ANO5: variants seen among roughly 807,000 people sequenced by gnomAD.
The protein encoded by ANO5 is anoctamin-5.
Under a neutral mutation model 121.0 loss-of-function variants are expected in ANO5, and 109 were observed. The observed-to-expected ratio is 0.90, with a 90% CI of 0.77 to 1.06. The LOEUF (loss-of-function observed/expected upper bound fraction) is 1.06, where lower values mean the gene tolerates loss of function less well. Ranked by LOEUF, ANO5 falls within the 50% of genes least tolerant of loss-of-function variation. ANO5 has a pLI of 0.00. For synonymous variants in ANO5, 406 were observed against 359.9 expected, an observed-to-expected ratio of 1.13 and a Z score of -1.45; for missense variants, 1,064 against 1,078.5, an observed-to-expected ratio of 0.99 and a Z score of 0.19.
In ANO5 at chr11:22,226,686, G is replaced by T. The variant is rs529623548; in HGVS notation, c.364-616G>T. Among the ~76,000 whole-genome samples, 26 of 152,196 alleles carry T rather than the reference G, an allele frequency of 1.7e-4. No individual in the cohort carries two copies. In the South Asian group the frequency reaches 2.5e-3, roughly 15 times the overall value. On this transcript the variant is annotated intron_variant, in intron 6 of 21. Transcript: ENST00000324559. ...GGTTGTGCTGCTGCACTCCAGCCTT[G>T]CCAACAGAGTGACGCTCTGTCTTAA...
At chr11:22,274,126 G>C (rs1217193967) in intron 19 of ANO5, among the ~76,000 whole-genome samples, 1 of 151,230 alleles carries the variant, frequency 6.6e-6, no homozygotes, top group Non-Finnish European at 1.5e-5. Context: ...ACAAACACAT[G>C]ATATTCTGCT....
At chr11:22,246,393 G>A (rs1323948181) in intron 9 of ANO5, among the ~76,000 whole-genome samples, 1 of 152,028 alleles carries the variant, frequency 6.6e-6, no homozygotes, top group Non-Finnish European at 1.5e-5. Context: ...TGTAGCAGCA[G>A]GTGTTGTTTT....
intron 7 of ANO5, among the ~76,000 whole-genome samples, chr11:22,230,109 T>C (rs922754954): frequency 3.2e-4 from 48 of 152,112 alleles, no homozygotes; most frequent in African/African-American, 1.1e-3. Flanking sequence ...TGAATATATA[T>C]GATTATGTGT....
chr11:22,219,293 T>A (rs904785382), intron 4 of ANO5, among the ~76,000 whole-genome samples: 2 of 152,060 alleles, frequency 1.3e-5, no homozygotes, highest in African/African-American at 4.8e-5. Flanking sequence ...GACTGAGCAC[T>A]CCGGAAAATC....
chr11:22,221,296 A>G lies in ANO5; in HGVS notation c.294+86A>G, dbSNP rs886607760. The G allele has an allele frequency of 1.1e-5, 13 of 1,181,510 alleles. No individual in the cohort carries two copies. In the South Asian group the frequency reaches 1.6e-4, roughly 14 times the overall value. 73.2% of individuals were successfully genotyped at this position (1,181,510 alleles called of 1,614,324 possible). On this transcript the variant is annotated intron_variant, in intron 5 of 21. Transcript: ENST00000324559. Reference sequence around the variant, plus strand: ...GGATATCTGGATTGAATTATGTTGTAAAAGTGAGAGGCCCTGAAGTGTTAC... The same window carrying G: ...GGATATCTGGATTGAATTATGTTGTGAAAGTGAGAGGCCCTGAAGTGTTAC...
chr11:22,279,984 T>C lies in ANO5; in HGVS notation c.*219T>C. On this transcript the variant is annotated 3_prime_UTR_variant, in exon 22 of 22. Transcript: ENST00000324559. ...CTTCATTGACTGGGCCCTCTCCAGA[T>C]GTTGTTTTCTGAGGTGCTGTAAATG... The C allele has an allele frequency of 1.8e-6, 1 of 543,032 alleles. No individual in the cohort carries two copies. 33.6% of individuals were successfully genotyped at this position (543,032 alleles called of 1,614,324 possible).
chr11:22,258,673 G>C (rs546106957), intron 14 of ANO5, among the ~76,000 whole-genome samples: 1 of 152,124 alleles, frequency 6.6e-6, no homozygotes, highest in Non-Finnish European at 1.5e-5. Flanking sequence ...ATATTGACAT[G>C]TATTTTTCTT....
At chr11:22,237,354 G>T (rs1317308316) in intron 8 of ANO5, among the ~76,000 whole-genome samples, 2 of 151,960 alleles carry the variant, frequency 1.3e-5, no homozygotes, top group East Asian at 3.9e-4. Context: ...TTAGTCTGTT[G>T]TGCTAGTTTT....
At chr11:22,222,556 A>G (rs1290766206) in intron 5 of ANO5, among the ~76,000 whole-genome samples, 1 of 151,856 alleles carries the variant, frequency 6.6e-6, no homozygotes, top group African/African-American at 2.4e-5. Context: ...CCAGGACCAG[A>G]TAAGATGCAA....
intron 18 of ANO5, 91 bp downstream of exon 18, chr11:22,270,533 G>A: frequency 1.3e-6 from 2 of 1,563,056 alleles, no homozygotes; most frequent in Non-Finnish European, 1.8e-6. Context: ...GCACATGGTA[G>A]GTGTTCAATA....
chr11:22,245,879 G>A (rs185254704), intron 9 of ANO5, among the ~76,000 whole-genome samples: 4 of 152,028 alleles, frequency 2.6e-5, no homozygotes, highest in Admixed American at 6.6e-5. Flanking sequence ...GCATCATGTC[G>A]GCACTCAAAA....
At chr11:22,231,129 A>T (rs1853027099) in intron 7 of ANO5, among the ~76,000 whole-genome samples, 1 of 151,998 alleles carries the variant, frequency 6.6e-6, no homozygotes, top group Non-Finnish European at 1.5e-5. Context: ...GAAGAATCAG[A>T]AGATTTTGAA....
At chr11:22,195,589 C>T (rs1044183671) in intron 1 of ANO5, among the ~76,000 whole-genome samples, 1 of 151,988 alleles carries the variant, frequency 6.6e-6, no homozygotes, top group East Asian at 1.9e-4. Flanking sequence ...ACCACGACCT[C>T]CCCAGCTAAT....
Position 22,211,284 on chromosome 11 carries a change from G to T in ANO5, c.108G>T (p.Glu36Asp), listed in dbSNP as rs1417289245. The part of the protein sequence containing the change: ...QMSEQSLSSR[E>D]TSFLINEETM... Reference sequence around the variant, plus strand: ...GTTAGCAGAGCCTGAGCAGCAGAGAGACCAGCTTTCTCATCAATGAAGAAA... The same window carrying T: ...GTTAGCAGAGCCTGAGCAGCAGAGATACCAGCTTTCTCATCAATGAAGAAA... The change falls in exon 3 of 22, where the codon GAG becomes GAT. Residue 36 changes from glutamate to aspartate, a missense_variant. Coordinates refer to ENST00000324559, the MANE Select transcript of ANO5 (RefSeq NM_213599.3). 2 of 1,612,182 alleles carry T rather than the reference G, an allele frequency of 1.2e-6. No individual in the cohort carries two copies. Among genetic ancestry groups the T allele is most frequent in the Admixed American group, 3.3e-5 (2 of 59,852 alleles).
At position 22,281,511 on chromosome 11, in the gene ANO5, T is replaced by C. The variant is rs1855078742; in HGVS notation, c.*1746T>C. 9.6e-6 allele frequency: 1 copy of C among 104,274 alleles called. No homozygotes were observed. Among genetic ancestry groups the C allele is most frequent in the South Asian group, 3.2e-4 (1 of 3,162 alleles). 6.5% of individuals were successfully genotyped at this position (104,274 alleles called of 1,614,324 possible). ...GATTTCATATGTAGAGAAGATAATA[T>C]TTCTTTCTTGAAAAAACAAGTCAGG... On this transcript the variant is annotated 3_prime_UTR_variant, in exon 22 of 22. Transcript: ENST00000324559.
chr11:22,219,127 A>G (rs550694069), intron 4 of ANO5, among the ~76,000 whole-genome samples: 1 of 152,104 alleles, frequency 6.6e-6, no homozygotes. Context: ...GTCCTGAGAC[A>G]TGTCTCTCAT....
Position 22,272,798 on chromosome 11 carries a change from T to A in ANO5, c.2044T>A (p.Phe682Ile), listed in dbSNP as rs1056882055. The change falls in exon 19 of 22, where the codon TTT becomes ATT. Residue 682 changes from phenylalanine to isoleucine, a missense_variant. Phe to Ile is a conservative substitution (Grantham distance 21, BLOSUM62 0). Coordinates refer to ENST00000324559, the MANE Select transcript of ANO5 (RefSeq NM_213599.3). ...TTTCTCTACAGTTACTCAATTTGGA[T>A]TTGTTACACTATTTGTGGCCTCTTT... ...EYLETVTQFG[F>I]VTLFVASFPL... 6.2e-7 allele frequency: 1 copy of A among 1,613,970 alleles called. No homozygotes were observed. The highest frequency in any genetic ancestry group is 2.2e-5 in the East Asian group (1 of 44,858).
intron 4 of ANO5, among the ~76,000 whole-genome samples, chr11:22,220,621 T>C (rs544348901): frequency 6.6e-6 from 1 of 152,114 alleles, no homozygotes; most frequent in South Asian, 2.1e-4. Context: ...TTTTAATCCT[T>C]ACAAAGTTGA....
At chr11:22,207,321 T>G (rs1485115314) in intron 2 of ANO5, among the ~76,000 whole-genome samples, 1 of 152,126 alleles carries the variant, frequency 6.6e-6, no homozygotes, top group Non-Finnish European at 1.5e-5. Context: ...TAATGAAGAC[T>G]GTGTGATATT....
Sources: gnomAD v4.1 joint callset for allele counts (sites outside exome capture counted in the v4.1 genomes callset) on GRCh38, gnomAD v4.1.1 for gene constraint, MANE v1.5 for transcripts, NCBI Gene and HGNC (gene_info 2026-07-23, HGNC 2026-07-21) for gene names.